The following TXNRD2 variants were observed in gnomAD, a reference collection of about 807,000 sequenced individuals.
The protein encoded by TXNRD2 is thioredoxin reductase 2, also known as thioredoxin reductase 2, mitochondrial.
A neutral mutation model predicts 70.8 loss-of-function variants in TXNRD2; 67 were observed. That is an observed-to-expected ratio of 0.95 (90% CI 0.78 to 1.16). TXNRD2 has a LOEUF of 1.16. Among genes scored for constraint, TXNRD2 ranks in the 50% most tolerant of loss-of-function variants. The pLI, the probability that TXNRD2 is intolerant of heterozygous loss-of-function variation, is 0.00. For synonymous variants in TXNRD2, 301 were observed against 295.8 expected (o/e 1.02, Z -0.18); for missense variants, 644 against 719.9 (o/e 0.89, Z 1.21).
intron 8 of TXNRD2, among the ~76,000 whole-genome samples, chr22:19,908,903 A>G (rs1037783839): frequency 6.6e-6 from 1 of 152,214 alleles, no homozygotes; most frequent in African/African-American, 2.4e-5. Flanking sequence ...TGAACTGTAT[A>G]CTTAAAAATG....
chr22:19,932,054 G>A (rs1328605219), intron 1 of TXNRD2, among the ~76,000 whole-genome samples: 10 of 151,328 alleles, frequency 6.6e-5, no homozygotes, highest in Admixed American at 3.3e-4. Context: ...CCAGCTACTC[G>A]GGAGGCTGAG....
At chr22:19,939,329 G>A (rs113433402) in intron 1 of TXNRD2, among the ~76,000 whole-genome samples, 8 of 152,016 alleles carry the variant, frequency 5.3e-5, no homozygotes, top group Admixed American at 3.3e-4. Flanking sequence ...TTCTCCTTAC[G>A]AACCTAAAAA....
chr22:19,909,884 C>CCACACACACCCTACTCACACACACT (rs745744670), intron 8 of TXNRD2, among the ~76,000 whole-genome samples: 1 of 44,822 alleles, frequency 2.2e-5, no homozygotes, highest in Non-Finnish European at 3.5e-5. Context: ...TCACACACAC[C>CCACACACACCCTACTCACACACACT]ACTCACACAC....
intron 8 of TXNRD2, among the ~76,000 whole-genome samples, chr22:19,908,298 C>G (rs558786930): frequency 2.0e-5 from 3 of 151,968 alleles, no homozygotes; most frequent in Non-Finnish European, 4.4e-5. Flanking sequence ...CCTGAGTTAC[C>G]AAGGACAGGG....
intron 11 of TXNRD2, among the ~76,000 whole-genome samples, chr22:19,889,511 T>C (rs1939173966): frequency 2.0e-5 from 3 of 152,254 alleles, no homozygotes; most frequent in East Asian, 3.9e-4. Flanking sequence ...CTTGGAAGGC[T>C]GAGGCAGGAG....
chr22:19,915,664 G>A (rs1275378635), intron 6 of TXNRD2, 101 bp downstream of exon 6: 43 of 1,051,154 alleles, frequency 4.1e-5, no homozygotes, highest in East Asian at 2.4e-4. Flanking sequence ...CCAGCAGCAC[G>A]TGTTACTAAG....
chr22:19,927,651 C>CAAAAAAAAAAAAA (rs149665821), intron 2 of TXNRD2, among the ~76,000 whole-genome samples: 26 of 68,258 alleles, frequency 3.8e-4, no homozygotes, highest in East Asian at 5.7e-4. Context: ...GACCTTGTCT[C>CAAAAAAAAAAAAA]AAAAAAAAAA....
chr22:19,896,349 T>C (rs1305583391), intron 10 of TXNRD2, among the ~76,000 whole-genome samples: 1 of 151,734 alleles, frequency 6.6e-6, no homozygotes, highest in Non-Finnish European at 1.5e-5. Context: ...TCCTGGTACA[T>C]CTACACATTT....
intron 11 of TXNRD2, chr22:19,895,076 G>C: frequency 6.3e-7 from 1 of 1,594,616 alleles, no homozygotes; most frequent in Non-Finnish European, 8.5e-7. Context: ...AAGGGCCAGG[G>C]AAGGCGAGGA....
At chr22:19,907,334 A>G (rs1256652859) in intron 8 of TXNRD2, among the ~76,000 whole-genome samples, 10 of 10,968 alleles carry the variant, frequency 9.1e-4, no homozygotes, top group South Asian at 7.2e-3. Context: ...GAGTGTGGGC[A>G]CCGTAAGTAG....
intron 7 of TXNRD2, among the ~76,000 whole-genome samples, chr22:19,912,092 C>T (rs1051862086): frequency 6.6e-6 from 1 of 152,112 alleles, no homozygotes; most frequent in Non-Finnish European, 1.5e-5. Context: ...CGAGGGCTGG[C>T]CCGGGTGGGC....
chr22:19,895,026 A>G (rs1939434936), intron 11 of TXNRD2: 3 of 1,547,094 alleles, frequency 1.9e-6, no homozygotes, highest in Middle Eastern at 1.7e-4. Flanking sequence ...GAAGGTGACA[A>G]GTAGGATTTA....
At chr22:19,923,605 T>C (rs1276909769) in intron 2 of TXNRD2, among the ~76,000 whole-genome samples, 1 of 152,110 alleles carries the variant, frequency 6.6e-6, no homozygotes, top group African/African-American at 2.4e-5. Flanking sequence ...TGACCAACTG[T>C]AGTTTCACGA....
In TXNRD2 at chr22:19,919,057, C is replaced by A. The variant is rs186333462; in HGVS notation, c.230-53G>T. On this transcript the variant is annotated intron_variant, in intron 3 of 17. Transcript: ENST00000400521. ...TTTATGTTCAGGTGACTGCTGGAGG[C>A]TTCCCTGTTCTTCTAGAGTGTTTGG... 1.8e-4 allele frequency: 279 copies of A among 1,564,522 alleles called. 1 individual carries two copies. The East Asian group carries it at 5.7e-3, about 32-fold the overall frequency.
intron 2 of TXNRD2, among the ~76,000 whole-genome samples, chr22:19,922,662 T>C (rs775275700): frequency 6.6e-6 from 1 of 152,142 alleles, no homozygotes; most frequent in Non-Finnish European, 1.5e-5. Flanking sequence ...TTTTCACAGC[T>C]ACAGACTTTT....
rs563084410 is a variant in TXNRD2, at chr22:19,920,291, G to A, written c.173-692C>T. Among the ~76,000 whole-genome samples the A allele has an allele frequency of 2.0e-5, 3 of 152,326 alleles. No individual in the cohort carries two copies. In the South Asian group the frequency reaches 6.2e-4, roughly 32 times the overall value. ...TCTGGGGCCAACTCAGAAACCATTA[G>A]CCAGGACCGGGCATGGTGGCTCACA... is the stretch of plus-strand genomic sequence containing the variant. On this transcript the variant is annotated intron_variant, in intron 2 of 17. Coordinates refer to ENST00000400521, the MANE Select transcript of TXNRD2 (RefSeq NM_006440.5).
intron 2 of TXNRD2, 52 bp from the exon 3 acceptor site, chr22:19,919,651 CAAG>C: frequency 1.3e-6 from 2 of 1,484,848 alleles, no homozygotes; most frequent in South Asian, 2.4e-5. Context: ...GCTCAGGACT[CAAG>C]AACAGGCACT....
intron 2 of TXNRD2, among the ~76,000 whole-genome samples, chr22:19,925,570 A>G (rs5993871): frequency 0.21 from 31,728 of 151,818 alleles, 4,007 homozygotes; most frequent in Middle Eastern, 0.34. Context: ...AACATGTAAC[A>G]GTAAACACAT....
chr22:19,907,616 A>G (rs28654170), intron 8 of TXNRD2, among the ~76,000 whole-genome samples: 13 of 25,198 alleles, frequency 5.2e-4, no homozygotes, highest in South Asian at 3.9e-3. Flanking sequence ...GGCGCCGTGG[A>G]TAGCAGTGAC....
Sources: gnomAD v4.1 joint callset for allele counts (sites outside exome capture counted in the v4.1 genomes callset) on GRCh38, gnomAD v4.1.1 for gene constraint, MANE v1.5 for transcripts, NCBI Gene and HGNC (gene_info 2026-07-23, HGNC 2026-07-21) for gene names.